The following CACNA1D variants were observed in gnomAD, a reference collection of about 807,000 sequenced individuals.
The protein encoded by CACNA1D is calcium voltage-gated channel subunit alpha1 D.
CACNA1D carries 55 observed loss-of-function variants against 257.1 expected under a neutral mutation model. That is an observed-to-expected ratio of 0.21 (90% CI 0.17 to 0.27). The LOEUF is 0.27. CACNA1D is among the 10% of genes least tolerant of loss of function. CACNA1D has a pLI of 1.00. For missense variants in CACNA1D, 1,876 were observed against 2,784.0 expected, an observed-to-expected ratio of 0.67 and a Z score of 7.34; for synonymous variants, 980 against 1,014.9, an observed-to-expected ratio of 0.97 and a Z score of 0.65.
At chr3:53,598,741 T>A (rs188412232) in intron 3 of CACNA1D, among the ~76,000 whole-genome samples, 2 of 152,304 alleles carry the variant, frequency 1.3e-5, no homozygotes, top group East Asian at 3.8e-4. Context: ...CCCCTGGGGC[T>A]AGCTAGCTGC....
At chr3:53,650,977 G>C (rs927920578) in intron 4 of CACNA1D, 59 bp downstream of exon 4, 1 of 1,443,018 alleles carries the variant, frequency 6.9e-7, no homozygotes, top group African/African-American at 1.4e-5. Flanking sequence ...GGAGGTTGGG[G>C]GGGGTGGTGG....
At chr3:53,660,589 C>T (rs970371410) in intron 5 of CACNA1D, among the ~76,000 whole-genome samples, 1 of 152,178 alleles carries the variant, frequency 6.6e-6, no homozygotes, top group Non-Finnish European at 1.5e-5. Flanking sequence ...TCCTCTCTGG[C>T]AACATGCTGC....
chr3:53,732,872 G>A lies in CACNA1D; in HGVS notation c.2531G>A (p.Arg844His), dbSNP rs2095012333. 4.3e-6 allele frequency: 7 copies of A among 1,613,846 alleles called. No homozygotes were observed. Among genetic ancestry groups the A allele is most frequent in the Non-Finnish European group, 5.9e-6 (7 of 1,179,750 alleles). The change falls in exon 19 of 48, where the codon CGT becomes CAT. Residue 844 changes from arginine to histidine, a missense_variant. Arg to His is a conservative substitution (Grantham distance 29, BLOSUM62 0). Transcript: ENST00000350061. ...EDEPEVPAGP[R>H]PRRISELNMK... ...GAACCTGAGGTTCCTGCCGGACCCC[G>A]TCCTCGAAGGATCTCGGAGTTGAAC...
At chr3:53,616,051 T>G (rs901010985) in intron 3 of CACNA1D, among the ~76,000 whole-genome samples, 2 of 152,202 alleles carry the variant, frequency 1.3e-5, no homozygotes, top group African/African-American at 4.8e-5. Flanking sequence ...AGTGGGAGGT[T>G]TAGACTTGAT....
chr3:53,599,973 C>T (rs1314781564), intron 3 of CACNA1D, among the ~76,000 whole-genome samples: 2 of 152,226 alleles, frequency 1.3e-5, no homozygotes, highest in Non-Finnish European at 2.9e-5. Flanking sequence ...ATGAAGCAAT[C>T]CATTTAGTTG....
chr3:53,730,371 T>G, intron 15 of CACNA1D, 71 bp from the exon 16 acceptor site: 1 of 971,962 alleles, frequency 1.0e-6, no homozygotes, highest in Non-Finnish European at 1.7e-6. Flanking sequence ...CAGAGGTGTG[T>G]GGCGTTGCCA....
intron 9 of CACNA1D, among the ~76,000 whole-genome samples, chr3:53,710,837 AT>A (rs75701207): frequency 1.3e-5 from 2 of 151,610 alleles, no homozygotes; most frequent in African/African-American, 4.9e-5. Flanking sequence ...TATTTGATTG[AT>A]TTTTTTTTCT....
chr3:53,608,828 C>T (rs961808601), intron 3 of CACNA1D, among the ~76,000 whole-genome samples: 9 of 152,282 alleles, frequency 5.9e-5, no homozygotes, highest in Admixed American at 2.0e-4. Context: ...ATAAACATCA[C>T]TTGATTGTGG....
intron 39 of CACNA1D, among the ~76,000 whole-genome samples, chr3:53,783,614 T>G (rs2095437519): frequency 6.6e-6 from 1 of 152,144 alleles, no homozygotes; most frequent in South Asian, 2.1e-4. Context: ...GCAGGGCTTA[T>G]CCGGGCTGAA....
chr3:53,740,498 T>C, intron 21 of CACNA1D, 159 bp downstream of exon 21: 1 of 681,332 alleles, frequency 1.5e-6, no homozygotes, highest in East Asian at 2.7e-5. Flanking sequence ...TACCCGGCAG[T>C]GTGTTTAAGG....
At chr3:53,798,004 A>G (rs1576700372) in intron 40 of CACNA1D, 1 of 152,170 alleles carries the variant, frequency 6.6e-6, no homozygotes, top group Non-Finnish European at 1.5e-5. Flanking sequence ...TATGTAACCG[A>G]GTTTTCTTCC....
intron 3 of CACNA1D, among the ~76,000 whole-genome samples, chr3:53,520,849 C>CCTTTCTTTCTTT (rs71074924): frequency 0.034 from 4,549 of 132,872 alleles, 111 homozygotes; most frequent in Middle Eastern, 0.05. Context: ...TTTGCAAACT[C>CCTTTCTTTCTTT]CTTTCTTTCT....
At position 53,813,294 on chromosome 3, in the gene CACNA1D, G is replaced by GTTCT. The variant is rs1248489929; in HGVS notation, c.*1890_*1893dup. On this transcript the variant is annotated 3_prime_UTR_variant, in exon 48 of 48. Transcript: ENST00000350061. Reference sequence around the variant, plus strand: ...ATCCTTTTTTATTAAAATGCAAAATGTTCTTCAGAATAAAACTGTGTAATA... The same window carrying GTTCT: ...ATCCTTTTTTATTAAAATGCAAAATGTTCTTTCTTCAGAATAAAACTGTGTAATA... 4.6e-5 allele frequency: 7 copies of GTTCT among 152,144 alleles called. No individual in the cohort carries two copies. Among genetic ancestry groups the GTTCT allele is most frequent in the Admixed American group, 1.3e-4 (2 of 15,278 alleles). The allele number at this position is 152,144 out of a possible 1,614,324, so 9.4% of individuals were successfully genotyped here.
At chr3:53,663,461 C>G (rs1412729151) in intron 5 of CACNA1D, among the ~76,000 whole-genome samples, 1 of 152,178 alleles carries the variant, frequency 6.6e-6, no homozygotes, top group African/African-American at 2.4e-5. Context: ...GGTCAGGAGG[C>G]CTGGTCTCCA....
At chr3:53,734,744 C>T (rs1440544544) in intron 19 of CACNA1D, among the ~76,000 whole-genome samples, 1 of 152,158 alleles carries the variant, frequency 6.6e-6, no homozygotes, top group South Asian at 2.1e-4. Context: ...CTCCAACCTT[C>T]ACTTTCTGAG....
At chr3:53,595,598 C>A (rs963143898) in intron 3 of CACNA1D, among the ~76,000 whole-genome samples, 1 of 152,120 alleles carries the variant, frequency 6.6e-6, no homozygotes, top group Non-Finnish European at 1.5e-5. Context: ...CAGAGTCTAC[C>A]GACTCTAGAC....
Position 53,800,626 on chromosome 3 carries a change from C to T in CACNA1D, c.5040+261C>T. 1 of 540,212 alleles carries T rather than the reference C, an allele frequency of 1.9e-6. No individual in the cohort carries two copies. The highest frequency in any genetic ancestry group is 3.4e-6 in the Non-Finnish European group (1 of 297,104). 33.5% of individuals were successfully genotyped at this position (540,212 alleles called of 1,614,324 possible). On this transcript the variant is annotated intron_variant, in intron 41 of 47. Coordinates refer to ENST00000350061, the MANE Select transcript of CACNA1D (RefSeq NM_001128840.3). This position sits in a 1 kb window ranked among gnomAD's most constrained non-coding sequence, Gnocchi z 4.3. ...CTTCTGAGGAGCTCGGCCACAGCCGCTGGCCCTGTGGATGAGCATCCTGAG... is the reference window on the plus strand; with the variant it reads ...CTTCTGAGGAGCTCGGCCACAGCCGTTGGCCCTGTGGATGAGCATCCTGAG...
At chr3:53,776,281 T>G (rs2095396603) in intron 35 of CACNA1D, among the ~76,000 whole-genome samples, 1 of 152,204 alleles carries the variant, frequency 6.6e-6, no homozygotes, top group South Asian at 2.1e-4. Context: ...CCAATCACCT[T>G]AGCTTCTTAG....
chr3:53,656,471 T>C (rs2094148746), intron 4 of CACNA1D, among the ~76,000 whole-genome samples: 1 of 152,206 alleles, frequency 6.6e-6, no homozygotes, highest in Non-Finnish European at 1.5e-5. Context: ...TGTAAAACCA[T>C]GAAATTTATA....
Sources: gnomAD v4.1 joint callset for allele counts (sites outside exome capture counted in the v4.1 genomes callset) on GRCh38, gnomAD v4.1.1 for gene constraint, Gnocchi (gnomAD v3.1) non-coding constraint, MANE v1.5 for transcripts, NCBI Gene and HGNC (gene_info 2026-07-23, HGNC 2026-07-21) for gene names.